The following PCDH15 variants were observed in gnomAD, a reference collection of about 807,000 sequenced individuals.
PCDH15 encodes protocadherin related 15, also known as protocadherin-15.
A neutral mutation model predicts 178.5 loss-of-function variants in PCDH15; 129 were observed. The ratio of observed to expected loss-of-function variants is 0.72; its 90% CI spans 0.63 to 0.84. The LOEUF (loss-of-function observed/expected upper bound fraction) is 0.84. PCDH15 is among the 40% of genes least tolerant of loss of function. The pLI is 0.00. For synonymous variants in PCDH15, 800 were observed against 732.0 expected, an observed-to-expected ratio of 1.09 and a Z score of -1.50; for missense variants, 2,230 against 2,099.9, an observed-to-expected ratio of 1.06 and a Z score of -1.21.
chr10:54,220,431 C>T (rs372419441), intron 9 of PCDH15, among the ~76,000 whole-genome samples: 17 of 152,170 alleles, frequency 1.1e-4, no homozygotes, highest in African/African-American at 3.9e-4. Flanking sequence ...TAAACTCTTT[C>T]CTGTTATGCT....
chr10:55,342,688 TC>T (rs1844638791), intron 2 of PCDH15, among the ~76,000 whole-genome samples: 1 of 152,130 alleles, frequency 6.6e-6, no homozygotes, highest in South Asian at 2.1e-4. Context: ...GCAGCCTCTC[TC>T]CTGGTCTTAA....
chr10:54,515,933 G>T (rs2137958537), intron 3 of PCDH15, among the ~76,000 whole-genome samples: 1 of 152,244 alleles, frequency 6.6e-6, no homozygotes, highest in African/African-American at 2.4e-5. Flanking sequence ...TGCAGCTGAG[G>T]GTCCTAACTG....
chr10:54,392,029 A>C (rs1319682886), intron 3 of PCDH15, among the ~76,000 whole-genome samples: 1 of 152,158 alleles, frequency 6.6e-6, no homozygotes, highest in Non-Finnish European at 1.5e-5. Flanking sequence ...GACATTGTTT[A>C]GTTGTAGTTT....
chr10:55,348,640 T>C (rs987203668), intron 2 of PCDH15, among the ~76,000 whole-genome samples: 2 of 152,186 alleles, frequency 1.3e-5, no homozygotes, highest in Non-Finnish European at 2.9e-5. Context: ...AAGAAGACTA[T>C]CTTGGTAGAG....
At chr10:55,043,108 C>A (rs935274816) in intron 2 of PCDH15, among the ~76,000 whole-genome samples, 2 of 151,842 alleles carry the variant, frequency 1.3e-5, no homozygotes, top group Non-Finnish European at 2.9e-5. Context: ...TTTTTAGAAC[C>A]TTTGTTTTCT....
chr10:54,548,480 C>T (rs1590040825), intron 2 of PCDH15, among the ~76,000 whole-genome samples: 1 of 147,084 alleles, frequency 6.8e-6, no homozygotes, highest in East Asian at 2.0e-4. Flanking sequence ...CTAAATATCA[C>T]CTATTTATAC....
At chr10:54,238,626 C>T (rs1047855524) in intron 8 of PCDH15, among the ~76,000 whole-genome samples, 4 of 150,326 alleles carry the variant, frequency 2.7e-5, no homozygotes, top group South Asian at 2.1e-4. Context: ...GTTCTTAAAA[C>T]GCAACTCTCA....
chr10:54,397,451 C>G (rs1951386915), intron 3 of PCDH15, among the ~76,000 whole-genome samples: 1 of 152,064 alleles, frequency 6.6e-6, no homozygotes, highest in South Asian at 2.1e-4. Context: ...TTCAAAAGAA[C>G]TGAGTTCAAT....
chr10:55,565,898 C>A (rs1409922432), intron 2 of PCDH15, among the ~76,000 whole-genome samples: 1 of 151,676 alleles, frequency 6.6e-6, no homozygotes, highest in East Asian at 1.9e-4. Flanking sequence ...CCAGTGAATT[C>A]GATAAAACAT....
chr10:55,348,714 G>C (rs1037353504), intron 2 of PCDH15, among the ~76,000 whole-genome samples: 5 of 152,118 alleles, frequency 3.3e-5, no homozygotes, highest in Non-Finnish European at 5.9e-5. Context: ...ATTCCCTGTG[G>C]AGGGAATAGT....
At chr10:55,170,615 G>A (rs1355099259) in intron 1 of PCDH15, among the ~76,000 whole-genome samples, 1 of 152,172 alleles carries the variant, frequency 6.6e-6, no homozygotes, top group East Asian at 1.9e-4. Context: ...CGAGTGCAGT[G>A]GCTTACACCT....
chr10:55,182,091 T>C (rs1225357314), intron 1 of PCDH15, among the ~76,000 whole-genome samples: 1 of 151,850 alleles, frequency 6.6e-6, no homozygotes, highest in Non-Finnish European at 1.5e-5. Context: ...TATAATAGAA[T>C]CTGGGAGAAA....
At chr10:54,844,013 C>T (rs1206170969) in intron 3 of PCDH15, among the ~76,000 whole-genome samples, 1 of 151,928 alleles carries the variant, frequency 6.6e-6, no homozygotes, top group Non-Finnish European at 1.5e-5. Context: ...CAGAGCATGG[C>T]TGAAATAACT....
intron 8 of PCDH15, among the ~76,000 whole-genome samples, chr10:54,240,224 A>G (rs1399341096): frequency 6.6e-6 from 1 of 152,084 alleles, no homozygotes; most frequent in African/African-American, 2.4e-5. Context: ...CAGAGAGAAC[A>G]GAAGTAAAAT....
chr10:55,581,089 T>G (rs1842605231), intron 2 of PCDH15, among the ~76,000 whole-genome samples: 1 of 152,202 alleles, frequency 6.6e-6, no homozygotes, highest in South Asian at 2.1e-4. Flanking sequence ...ATATTTTGAA[T>G]GTACATAATA....
chr10:54,452,652 G>T (rs2076552681), intron 3 of PCDH15: 1 of 151,728 alleles, frequency 6.6e-6, no homozygotes, highest in Non-Finnish European at 1.5e-5. Flanking sequence ...TTCTAGAGCT[G>T]ATTCACAGGA....
chr10:54,954,438 G>A (rs554154688), intron 2 of PCDH15, among the ~76,000 whole-genome samples: 5 of 150,976 alleles, frequency 3.3e-5, no homozygotes, highest in South Asian at 2.1e-4. Flanking sequence ...TAATTTTCTC[G>A]TATTCCCTTC....
At chr10:54,104,982 T>C (rs1407241236) in intron 15 of PCDH15, among the ~76,000 whole-genome samples, 1 of 151,682 alleles carries the variant, frequency 6.6e-6, no homozygotes, top group African/African-American at 2.4e-5. Context: ...TCTTTGCCTC[T>C]CACAAGTGGT....
At chr10:54,657,743 A>T (rs561080912) in intron 2 of PCDH15, among the ~76,000 whole-genome samples, 2 of 152,352 alleles carry the variant, frequency 1.3e-5, no homozygotes, top group East Asian at 3.9e-4. Flanking sequence ...AAGAAGTGAT[A>T]TCTCCTTTAG....
Sources: gnomAD v4.1 joint callset for allele counts (sites outside exome capture counted in the v4.1 genomes callset) on GRCh38, gnomAD v4.1.1 for gene constraint, MANE v1.5 for transcripts, NCBI Gene and HGNC (gene_info 2026-07-23, HGNC 2026-07-21) for gene names.